PARD3B: variants seen among roughly 807,000 people sequenced by gnomAD.
PARD3B encodes par-3 family cell polarity regulator beta, also known as partitioning defective 3 homolog B.
Under a neutral mutation model 130.2 loss-of-function variants are expected in PARD3B, and 103 were observed. The observed-to-expected ratio is 0.79, with a 90% CI of 0.67 to 0.93. PARD3B has a LOEUF of 0.93. Ranked by LOEUF, PARD3B falls within the 40% of genes least tolerant of loss-of-function variation. The probability of loss-of-function intolerance (pLI) is 0.00; values close to 1 mark genes in which losing one functional copy is unlikely to be tolerated. For missense variants in PARD3B, 1,609 were observed against 1,499.2 expected (o/e 1.07, Z -1.21); for synonymous variants, 583 against 553.2 (o/e 1.05, Z -0.76).
At chr2:205,574,855 T>TAAAAA (rs5837982) in intron 22 of PARD3B, among the ~76,000 whole-genome samples, 12 of 121,368 alleles carry the variant, frequency 9.9e-5, no homozygotes, top group East Asian at 7.0e-4. Context: ...CACTGAGGAG[T>TAAAAA]AAAAAAAAAA....
intron 16 of PARD3B, among the ~76,000 whole-genome samples, chr2:205,250,341 C>T (rs1231921545): frequency 2.0e-5 from 3 of 151,888 alleles, no homozygotes; most frequent in African/African-American, 4.8e-5. Flanking sequence ...TGAAGAAGGC[C>T]GATGAGTTCT....
intron 15 of PARD3B, among the ~76,000 whole-genome samples, chr2:205,216,112 A>G (rs1262684121): frequency 3.3e-5 from 5 of 152,280 alleles, no homozygotes; most frequent in South Asian, 2.1e-4. Context: ...TATGTTTACT[A>G]TATCTTTTCT....
In PARD3B at chr2:205,217,866, GTGTA is replaced by G. The variant is rs1168767651; in HGVS notation, c.2140+24548_2140+24551del. ...TATATGTGTGTGTGTGTGTGTGTGT[GTGTA>G]TATATATATATATATATATATATAT... is the stretch of plus-strand genomic sequence containing the variant. On this transcript the variant is annotated intron_variant, in intron 15 of 22. Transcript: ENST00000406610. Among the ~76,000 whole-genome samples, 380 of 60,770 alleles carry G rather than the reference GTGTA, an allele frequency of 6.3e-3. 7 individuals carry two copies. Among genetic ancestry groups the G allele is most frequent in the Non-Finnish European group, 8.4e-3 (291 of 34,756 alleles). The allele number at this position is 60,770 out of a possible 152,430, so 39.9% of individuals were successfully genotyped here. A position where few individuals can be genotyped will look rare whatever the true frequency, so the allele number is the denominator to read the frequency against.
intron 4 of PARD3B, among the ~76,000 whole-genome samples, chr2:205,069,844 C>T (rs1700615479): frequency 6.6e-6 from 1 of 152,020 alleles, no homozygotes; most frequent in Non-Finnish European, 1.5e-5. Context: ...CTTTGTAGAG[C>T]ACCTCAGTAA....
intron 18 of PARD3B, among the ~76,000 whole-genome samples, chr2:205,319,292 T>A (rs1461028702): frequency 6.6e-6 from 1 of 152,164 alleles, no homozygotes; most frequent in Non-Finnish European, 1.5e-5. Context: ...TTGCCTAGAA[T>A]CCTCAGTCCT....
At chr2:205,472,696 T>C (rs1178403067) in intron 20 of PARD3B, among the ~76,000 whole-genome samples, 2 of 152,166 alleles carry the variant, frequency 1.3e-5, no homozygotes, top group East Asian at 3.8e-4. Flanking sequence ...TGCCCAGTAA[T>C]GGTTCTTACA....
At chr2:205,042,240 A>G (rs1698442573) in intron 3 of PARD3B, among the ~76,000 whole-genome samples, 1 of 152,170 alleles carries the variant, frequency 6.6e-6, no homozygotes, top group African/African-American at 2.4e-5. Flanking sequence ...CTGCCCCACC[A>G]TTAAAATAGT....
intron 18 of PARD3B, among the ~76,000 whole-genome samples, chr2:205,328,508 C>G (rs1392175226): frequency 6.6e-6 from 1 of 151,704 alleles, no homozygotes; most frequent in South Asian, 2.1e-4. Flanking sequence ...TAGAAAACTT[C>G]TTATATTAAA....
chr2:205,233,092 C>G (rs1280226867), intron 15 of PARD3B, among the ~76,000 whole-genome samples: 1 of 152,006 alleles, frequency 6.6e-6, no homozygotes, highest in East Asian at 1.9e-4. Context: ...ACATTATAAA[C>G]AATTTGCTGA....
intron 1 of PARD3B, among the ~76,000 whole-genome samples, chr2:204,640,318 T>C (rs1165239831): frequency 6.6e-6 from 1 of 152,132 alleles, no homozygotes; most frequent in Admixed American, 6.5e-5. Context: ...GGAGCAGTGG[T>C]GACCCTTCAG....
At chr2:205,513,249 G>A (rs920388884) in intron 21 of PARD3B, among the ~76,000 whole-genome samples, 2 of 152,010 alleles carry the variant, frequency 1.3e-5, no homozygotes, top group African/African-American at 4.8e-5. Context: ...ATCGCTATGG[G>A]CTTTAGGAGG....
At chr2:205,312,788 C>T (rs1016911511) in intron 18 of PARD3B, among the ~76,000 whole-genome samples, 11 of 152,126 alleles carry the variant, frequency 7.2e-5, no homozygotes, top group East Asian at 5.8e-4. Flanking sequence ...ATTTTTCATT[C>T]GGGTTGGAAA....
intron 18 of PARD3B, among the ~76,000 whole-genome samples, chr2:205,361,322 AT>A (rs2044381687): frequency 6.6e-6 from 1 of 152,182 alleles, no homozygotes; most frequent in Non-Finnish European, 1.5e-5. Flanking sequence ...TAATGTCATT[AT>A]GCCATACCTC....
At chr2:205,193,405 A>G in intron 15 of PARD3B, 85 bp downstream of exon 15, 2 of 1,041,184 alleles carry the variant, frequency 1.9e-6, no homozygotes, top group Non-Finnish European at 2.9e-6. Flanking sequence ...TGTTTCTTCA[A>G]CTCAAACCTC....
At chr2:205,451,977 C>T (rs1355295826) in intron 20 of PARD3B, among the ~76,000 whole-genome samples, 1 of 152,124 alleles carries the variant, frequency 6.6e-6, no homozygotes, top group Non-Finnish European at 1.5e-5. Flanking sequence ...ACCGCTCTGT[C>T]TAAATAACTC....
chr2:205,052,480 G>C (rs1699289138), intron 4 of PARD3B, among the ~76,000 whole-genome samples: 1 of 143,882 alleles, frequency 7.0e-6, no homozygotes, highest in Non-Finnish European at 1.5e-5. Context: ...GGCAGATTTG[G>C]GGGTTGTTAA....
chr2:205,301,487 C>T lies in PARD3B; in HGVS notation c.2416C>T (p.His806Tyr), dbSNP rs756341845. ...EADGLSDKSS[H>Y]SGQGALNCES... ...AGACGGTCTGTCTGATAAGAGCTCT[C>T]ACTCTGGCCAAGGAGCTCTGAATTG... The change falls in exon 18 of 23, where the codon CAC becomes TAC. Residue 806 changes from histidine to tyrosine, a missense_variant. By Grantham distance (83) the His-to-Tyr change is moderately conservative. Transcript: ENST00000406610. This position sits in a 1 kb window ranked among gnomAD's most constrained non-coding sequence, Gnocchi z 5.2. The T allele has an allele frequency of 6.2e-7, 1 of 1,612,728 alleles. No homozygotes were observed. Among genetic ancestry groups the T allele is most frequent in the Non-Finnish European group, 8.5e-7 (1 of 1,179,704 alleles).
intron 2 of PARD3B, among the ~76,000 whole-genome samples, chr2:204,845,315 T>G (rs576260307): frequency 2.0e-4 from 31 of 152,306 alleles, no homozygotes; most frequent in African/African-American, 7.5e-4. Context: ...GGATTTAACT[T>G]TCTGCTTTGA....
chr2:205,615,845 A>G lies in PARD3B; in HGVS notation c.*32A>G. 1 of 1,555,034 alleles carries G rather than the reference A, an allele frequency of 6.4e-7. No homozygotes were observed. Among genetic ancestry groups the G allele is most frequent in the South Asian group, 1.2e-5 (1 of 85,328 alleles). ...GCCACCGAGGCCAGCCCGGTCCAGA[A>G]AGGAAGGTGTCTACTCTACCTTTGC... On this transcript the variant is annotated 3_prime_UTR_variant, in exon 23 of 23. Transcript: ENST00000406610.
Sources: gnomAD v4.1 joint callset for allele counts (sites outside exome capture counted in the v4.1 genomes callset) on GRCh38, gnomAD v4.1.1 for gene constraint, Gnocchi (gnomAD v3.1) non-coding constraint, MANE v1.5 for transcripts, NCBI Gene and HGNC (gene_info 2026-07-23, HGNC 2026-07-21) for gene names.